Variants in FPGS observed in about 807,000 individuals in gnomAD.
FPGS encodes the protein folylpolyglutamate synthase, also known as folylpolyglutamate synthase, mitochondrial.
In FPGS, 53 loss-of-function variants were observed where a neutral mutation model predicts 66.5. The observed-to-expected ratio is 0.80, with a 90% confidence interval of 0.64 to 1.00. FPGS has a LOEUF of 1.00. Ranked by LOEUF, FPGS falls within the 50% of genes least tolerant of loss-of-function variation. FPGS has a pLI of 0.00. For missense variants in FPGS, 702 were observed against 807.7 expected (o/e 0.87, Z 1.59); for synonymous variants, 348 against 350.9 (o/e 0.99, Z 0.09).
Position 127,807,038 on chromosome 9 carries a change from T to G in FPGS, c.452T>G (p.Leu151Arg). Residue 151 changes from leucine (L) to arginine (R), a missense_variant, in exon 5 of 15, where the codon CTC becomes CGC. By Grantham distance (102) the Leu-to-Arg change is moderately radical. Around this residue, in one of 3 missense-constraint regions of FPGS, gnomAD observed 240 missense variants for 348.6 expected, o/e 0.69. Coordinates refer to ENST00000373247, the MANE Select transcript of FPGS (RefSeq NM_004957.6). This position sits in a 1 kb window ranked among gnomAD's most constrained non-coding sequence, Gnocchi z 5.8. ...AATGGGCAGCCCATCAGTCCTGAGC[T>G]CTTCACCAAGTACTTCTGGCGCCTC... ...RINGQPISPE[L>R]FTKYFWRLYH... 1 of 1,613,956 alleles carries G rather than the reference T, an allele frequency of 6.2e-7. No homozygotes were observed. Among genetic ancestry groups the G allele is most frequent in the Non-Finnish European group, 8.5e-7 (1 of 1,179,972 alleles).
chr9:127,813,822 C>T lies in FPGS; in HGVS notation c.*218C>T, dbSNP rs41517344. The T allele has an allele frequency of 8.0e-4, 1,014 of 1,261,206 alleles. 5 individuals carry two copies. In the African/African-American group the frequency reaches 0.011, roughly 13 times the overall value. 78.1% of individuals were successfully genotyped at this position (1,261,206 alleles called of 1,614,324 possible). A position where few individuals can be genotyped will look rare whatever the true frequency, so the allele number is the denominator to read the frequency against. ...TGGCTGAGATAGCAGAGGGGCTCCC[C>T]GGGTCTCTCACTGTTGCAGTGGCCT... On this transcript the variant is annotated 3_prime_UTR_variant, in exon 15 of 15. Transcript: ENST00000373247.
rs1588558409 is a variant in FPGS at position 127,808,895 on chromosome 9, T to G, written c.1060+6T>G. The G allele has an allele frequency of 6.4e-7, 1 of 1,555,022 alleles. No homozygotes were observed. The highest frequency in any genetic ancestry group is 8.7e-7 in the Non-Finnish European group (1 of 1,149,390). Reference sequence around the variant, plus strand: ...CACATCCCACATGCGGCTCGGTGAGTTAGACCTTCCTGCCCAGCTGGGACC... The same window carrying G: ...CACATCCCACATGCGGCTCGGTGAGGTAGACCTTCCTGCCCAGCTGGGACC... On this transcript the variant is annotated splice_donor_region_variant and intron_variant, in intron 11 of 14. Transcript: ENST00000373247.
chr9:127,802,964 C>G lies in FPGS; in HGVS notation c.40C>G (p.Leu14Val), dbSNP rs1042935574. ...ARSHLRAALF[L>V]AAASARGITT... The stretch of plus-strand genomic sequence containing the variant: ...GAGCCACCTGCGCGCCGCTCTATTC[C>G]TGGCAGCGGCGTCTGCGCGCGGCAT... Residue 14 changes from leucine to valine, a missense_variant, in exon 1 of 15, where the codon CTG becomes GTG. Physicochemically the swap from Leu to Val is conservative, Grantham distance 32. This residue lies in a region of FPGS where 111 missense variants were observed against 95.4 expected (regional missense o/e 1.16). Transcript: ENST00000373247. 2 of 1,452,280 alleles carry G rather than the reference C, an allele frequency of 1.4e-6. No homozygotes were observed. The highest frequency in any genetic ancestry group is 1.8e-6 in the Non-Finnish European group (2 of 1,111,496). 90.0% of individuals were successfully genotyped at this position (1,452,280 alleles called of 1,614,324 possible). A position where few individuals can be genotyped will look rare whatever the true frequency, so the allele number is the denominator to read the frequency against.
intron 14 of FPGS, 29 bp from the exon 15 acceptor site, chr9:127,813,166 G>A (rs375361358): frequency 5.2e-5 from 79 of 1,530,834 alleles, no homozygotes; most frequent in East Asian, 6.9e-5. Flanking sequence ...TCTCCCCTTC[G>A]CTGATAGGCC....
chr9:127,803,103 G>C, intron 1 of FPGS, 41 bp downstream of exon 1: 2 of 1,347,282 alleles, frequency 1.5e-6, no homozygotes, highest in Non-Finnish European at 9.5e-7. Context: ...TGGGCGCGAC[G>C]ACACGTGGGC....
In FPGS at chr9:127,813,664, T is replaced by C; in HGVS notation, c.*60T>C. 1 of 1,474,542 alleles carries C rather than the reference T, an allele frequency of 6.8e-7. No individual in the cohort carries two copies. Among genetic ancestry groups the C allele is most frequent in the Non-Finnish European group, 9.0e-7 (1 of 1,112,920 alleles). 91.3% of individuals were successfully genotyped at this position (1,474,542 alleles called of 1,614,324 possible). On this transcript the variant is annotated 3_prime_UTR_variant, in exon 15 of 15. Coordinates refer to ENST00000373247, the MANE Select transcript of FPGS (RefSeq NM_004957.6). ...ACCTGCCTGCGTTCTCCCCATGAAC[T>C]TACATACTAGGTGCCTTTTGTTTTT...
Position 127,808,223 on chromosome 9 carries a change from T to A in FPGS, c.745-11T>A. On this transcript the variant is annotated splice_polypyrimidine_tract_variant and intron_variant, in intron 8 of 14. Transcript: ENST00000373247. ...TAGGTAGCCCTTTCTCTCTCCTTCTTCCCTCCACAGCAAGGTGTCCCTGCC... is the reference window on the plus strand; with the variant it reads ...TAGGTAGCCCTTTCTCTCTCCTTCTACCCTCCACAGCAAGGTGTCCCTGCC... 1 of 1,611,664 alleles carries A rather than the reference T, an allele frequency of 6.2e-7. No homozygotes were observed. The highest frequency in any genetic ancestry group is 8.5e-7 in the Non-Finnish European group (1 of 1,177,864).
chr9:127,803,012 C>A lies in FPGS; in HGVS notation c.88C>A (p.Arg30=). Reference sequence around the variant, plus strand: ...CATAACGACCCAGGTCGCGGCGCGGCGGGGCTTGAGCGCGTGGCCGGTGCC... The same window carrying A: ...CATAACGACCCAGGTCGCGGCGCGGAGGGGCTTGAGCGCGTGGCCGGTGCC... ...RGITTQVAAR[R]GLSAWPVPQE... Residue 30 remains arginine (R), a synonymous_variant, in exon 1 of 15, where the codon CGG becomes AGG. Coordinates refer to ENST00000373247, the MANE Select transcript of FPGS (RefSeq NM_004957.6). 6.8e-7 allele frequency: 1 copy of A among 1,465,214 alleles called. No individual in the cohort carries two copies. The highest frequency in any genetic ancestry group is 1.3e-5 in the South Asian group (1 of 75,584). 90.8% of individuals were successfully genotyped at this position (1,465,214 alleles called of 1,614,324 possible).
At position 127,813,776 on chromosome 9, in the gene FPGS, G is replaced by A; in HGVS notation, c.*172G>A. ...GAGGATGTCTTTTTTAAGGCTCTGT[G>A]CCTTGGTCTCTCCTTCCTCTTGGCT... is the stretch of plus-strand genomic sequence containing the variant. On this transcript the variant is annotated 3_prime_UTR_variant, in exon 15 of 15. Transcript: ENST00000373247. 1 of 1,301,388 alleles carries A rather than the reference G, an allele frequency of 7.7e-7. No individual in the cohort carries two copies. The highest frequency in any genetic ancestry group is 2.9e-4 in the Middle Eastern group (1 of 3,488). The allele number at this position is 1,301,388 out of a possible 1,614,324, so 80.6% of individuals were successfully genotyped here. A position where few individuals can be genotyped will look rare whatever the true frequency, so the allele number is the denominator to read the frequency against.
In FPGS at chr9:127,813,726, AG is replaced by A; in HGVS notation, c.*125del. ...TTCTGTCTAGACTGGCCTAGGGGCC[AG>A]GGCTTTGGGATGGGAGGCCGGGAGA... is the stretch of plus-strand genomic sequence containing the variant. On this transcript the variant is annotated 3_prime_UTR_variant, in exon 15 of 15. Coordinates refer to ENST00000373247, the MANE Select transcript of FPGS (RefSeq NM_004957.6). The A allele has an allele frequency of 7.4e-7, 1 of 1,343,270 alleles. No individual in the cohort carries two copies. The highest frequency in any genetic ancestry group is 2.1e-5 in the South Asian group (1 of 47,750). 83.2% of individuals were successfully genotyped at this position (1,343,270 alleles called of 1,614,324 possible).
rs764173410 is a variant in FPGS, at chr9:127,809,768, C to A, written c.1145C>A (p.Ala382Asp). 3.8e-6 allele frequency: 6 copies of A among 1,575,348 alleles called. No individual in the cohort carries two copies. The highest frequency in any genetic ancestry group is 5.1e-6 in the Non-Finnish European group (6 of 1,171,122). The change falls in exon 12 of 15, where the codon GCC (alanine) becomes GAC (aspartate). Residue 382 changes from alanine to aspartate, a missense_variant. Around this residue, in one of 3 missense-constraint regions of FPGS, gnomAD observed 351 missense variants for 363.7 expected, o/e 0.97. Coordinates refer to ENST00000373247, the MANE Select transcript of FPGS (RefSeq NM_004957.6). ...TGGTACCTGGACGGTGCGCACACCG[C>A]CAGCAGCGCGCAGGCCTGCGTGCGC... is the stretch of plus-strand genomic sequence containing the variant. Reference protein sequence around the residue: ...LTWYLDGAHTASSAQACVRWF... With the variant: ...LTWYLDGAHTDSSAQACVRWF...
At chr9:127,809,625 C>A in intron 11 of FPGS, 59 bp from the exon 12 acceptor site, 3 of 1,487,950 alleles carry the variant, frequency 2.0e-6, no homozygotes, top group Non-Finnish European at 2.7e-6. Context: ...AGTGTGTGTG[C>A]GGAATTGAGG....
At chr9:127,810,607 G>A (rs1319625990) in intron 13 of FPGS, among the ~76,000 whole-genome samples, 1 of 152,102 alleles carries the variant, frequency 6.6e-6, no homozygotes, top group Non-Finnish European at 1.5e-5. Flanking sequence ...GGCTGAGGCT[G>A]TATCCAGAAC....
At chr9:127,812,380 G>C (rs1483401700) in intron 14 of FPGS, among the ~76,000 whole-genome samples, 1 of 151,694 alleles carries the variant, frequency 6.6e-6, no homozygotes, top group Admixed American at 6.6e-5. Flanking sequence ...GCCCAGGCTG[G>C]AGTGCAGTGG....
At chr9:127,806,050 C>T (rs533709208) in intron 4 of FPGS, among the ~76,000 whole-genome samples, 1 of 152,304 alleles carries the variant, frequency 6.6e-6, no homozygotes, top group East Asian at 1.9e-4. Context: ...AGGATTGAAA[C>T]ATAAGGCACC....
chr9:127,811,067 G>A, intron 14 of FPGS, 56 bp downstream of exon 14: 1 of 1,055,192 alleles, frequency 9.5e-7, no homozygotes. Context: ...GAGGTAGACA[G>A]TGGGGGCTTC....
chr9:127,803,334 G>C, intron 1 of FPGS: 1 of 1,186,544 alleles, frequency 8.4e-7, no homozygotes, highest in Non-Finnish European at 1.0e-6. Flanking sequence ...CAGAAGCCCA[G>C]AGGCTCAGCG....
chr9:127,803,698 A>G (rs1467639718), intron 1 of FPGS, among the ~76,000 whole-genome samples: 2 of 152,054 alleles, frequency 1.3e-5, no homozygotes, highest in African/African-American at 2.4e-5. Flanking sequence ...GGCACGGAAT[A>G]TGAGGCCTAA....
rs1002170832 is a variant in FPGS, at chr9:127,813,513, G to A, written c.1673G>A (p.Arg558His). Reference protein sequence around the residue: ...PVAHSGASILREAAAIHVLVT... With the variant: ...PVAHSGASILHEAAAIHVLVT... ...GCTCACAGTGGGGCCAGCATACTCCGTGAGGCTGCTGCCATCCATGTGCTA... is the reference window on the plus strand; with the variant it reads ...GCTCACAGTGGGGCCAGCATACTCCATGAGGCTGCTGCCATCCATGTGCTA... Residue 558 changes from arginine (R) to histidine (H), a missense_variant, in exon 15 of 15, where the codon CGT becomes CAT. Physicochemically the swap from Arg to His is conservative, Grantham distance 29 (BLOSUM62 0). Coordinates refer to ENST00000373247, the MANE Select transcript of FPGS (RefSeq NM_004957.6). The A allele has an allele frequency of 5.0e-6, 8 of 1,611,640 alleles. No homozygotes were observed. Among genetic ancestry groups the A allele is most frequent in the Admixed American group, 3.3e-5 (2 of 59,756 alleles).
Sources: gnomAD v4.1 joint callset for allele counts (sites outside exome capture counted in the v4.1 genomes callset) on GRCh38, gnomAD v4.1.1 for gene constraint, gnomAD v4.1.1 regional missense constraint, Gnocchi (gnomAD v3.1) non-coding constraint, MANE v1.5 for transcripts, NCBI Gene and HGNC (gene_info 2026-07-23, HGNC 2026-07-21) for gene names.